KCNH7: variants seen among roughly 807,000 people sequenced by gnomAD.
The protein encoded by KCNH7 is voltage-gated inwardly rectifying potassium channel KCNH7.
In KCNH7, 49 loss-of-function variants were observed where a neutral mutation model predicts 120.8. That is an observed-to-expected ratio of 0.41 (90% confidence interval 0.32 to 0.51). KCNH7 has a LOEUF of 0.51. Ranked by LOEUF, KCNH7 falls within the 20% of genes least tolerant of loss-of-function variation. KCNH7 has a pLI of 0.38. For synonymous variants in KCNH7, 547 were observed against 516.1 expected, an observed-to-expected ratio of 1.06 and a Z score of -0.81; for missense variants, 1,097 against 1,446.6, an observed-to-expected ratio of 0.76 and a Z score of 3.92.
intron 2 of KCNH7, among the ~76,000 whole-genome samples, chr2:162,628,176 C>T (rs1236733751): frequency 6.6e-6 from 1 of 152,076 alleles, no homozygotes; most frequent in African/African-American, 2.4e-5. Flanking sequence ...TAGCATGGTA[C>T]TGGAGAAAGA....
At chr2:162,661,384 CA>C (rs1271474884) in intron 2 of KCNH7, among the ~76,000 whole-genome samples, 1 of 151,918 alleles carries the variant, frequency 6.6e-6, no homozygotes, top group Non-Finnish European at 1.5e-5. Flanking sequence ...AAAGATAAAA[CA>C]GATGTTAAAC....
chr2:162,414,744 TA>T (rs1397879082), intron 9 of KCNH7, among the ~76,000 whole-genome samples: 1 of 151,986 alleles, frequency 6.6e-6, no homozygotes, highest in Non-Finnish European at 1.5e-5. Context: ...AATTGAAGTA[TA>T]AAAAAATCTT....
At chr2:162,713,106 G>A (rs1424368747) in intron 2 of KCNH7, among the ~76,000 whole-genome samples, 4 of 152,126 alleles carry the variant, frequency 2.6e-5, no homozygotes, top group Admixed American at 6.6e-5. Flanking sequence ...TGCATTTTTA[G>A]TAGAGACGGG....
chr2:162,753,993 T>A (rs1168040318), intron 2 of KCNH7, among the ~76,000 whole-genome samples: 1 of 151,982 alleles, frequency 6.6e-6, no homozygotes, highest in Non-Finnish European at 1.5e-5. Flanking sequence ...CAATAATGTA[T>A]ATGAATTATG....
At chr2:162,379,265 A>G (rs1054885819) in intron 14 of KCNH7, among the ~76,000 whole-genome samples, 4 of 152,044 alleles carry the variant, frequency 2.6e-5, no homozygotes, top group Admixed American at 2.6e-4. Context: ...AATCTTTTTG[A>G]CCACTTTAAT....
chr2:162,643,509 T>G (rs775082459), intron 2 of KCNH7, among the ~76,000 whole-genome samples: 8 of 151,822 alleles, frequency 5.3e-5, no homozygotes, highest in Non-Finnish European at 1.2e-4. Context: ...TTTAATTGTT[T>G]AAAGAAAAAT....
chr2:162,538,432 G>A (rs527398047), intron 2 of KCNH7, among the ~76,000 whole-genome samples: 30 of 151,868 alleles, frequency 2.0e-4, no homozygotes, highest in African/African-American at 7.0e-4. Flanking sequence ...ATGCAGAGGC[G>A]GGGGGAGGTT....
chr2:162,395,115 C>T (rs1686871684), intron 11 of KCNH7, among the ~76,000 whole-genome samples: 2 of 151,696 alleles, frequency 1.3e-5, no homozygotes, highest in Admixed American at 6.6e-5. Context: ...AATATGTGTT[C>T]ATTGACTGAT....
Position 162,471,344 on chromosome 2 carries a change from C to T in KCNH7, c.1129-24901G>A, listed in dbSNP as rs183745709. Among the ~76,000 whole-genome samples, 136 of 151,800 alleles carry T rather than the reference C, an allele frequency of 9.0e-4. 2 individuals carry two copies. The highest frequency in any genetic ancestry group is 2.9e-3 in the African/African-American group (121 of 41,364). On this transcript the variant is annotated intron_variant, in intron 6 of 15. Transcript: ENST00000332142. ...TTTTAACAAGCATCTAAAATGAATC[C>T]GATGCACTTGGTCTCCTGTGTATAT...
At chr2:162,621,326 A>G (rs1459901400) in intron 2 of KCNH7, among the ~76,000 whole-genome samples, 1 of 132,172 alleles carries the variant, frequency 7.6e-6, no homozygotes. Context: ...ATTACTGAAG[A>G]CATGCCCCTG....
At chr2:162,381,108 T>A (rs553940964) in intron 13 of KCNH7, among the ~76,000 whole-genome samples, 1 of 152,108 alleles carries the variant, frequency 6.6e-6, no homozygotes, top group East Asian at 1.9e-4. Flanking sequence ...AGGAGAAACA[T>A]TTTTCTTCAC....
At chr2:162,757,883 C>T (rs915469279) in intron 2 of KCNH7, among the ~76,000 whole-genome samples, 91 of 152,194 alleles carry the variant, frequency 6.0e-4, no homozygotes, top group African/African-American at 2.1e-3. Flanking sequence ...CACAGCCATC[C>T]AATTCATATG....
intron 2 of KCNH7, among the ~76,000 whole-genome samples, chr2:162,647,589 A>G (rs1036101778): frequency 3.3e-5 from 5 of 152,176 alleles, no homozygotes; most frequent in Non-Finnish European, 7.3e-5. Flanking sequence ...TTCTCGTGGT[A>G]GTAAATAAGT....
At chr2:162,785,355 C>G (rs1181574416) in intron 2 of KCNH7, among the ~76,000 whole-genome samples, 1 of 152,176 alleles carries the variant, frequency 6.6e-6, no homozygotes, top group East Asian at 1.9e-4. Flanking sequence ...GATTGACAGT[C>G]TTAAATATAA....
intron 2 of KCNH7, among the ~76,000 whole-genome samples, chr2:162,683,614 A>T (rs1414130590): frequency 6.6e-6 from 1 of 151,892 alleles, no homozygotes; most frequent in Non-Finnish European, 1.5e-5. Context: ...CCTAAAATAG[A>T]AAGACCTTCC....
intron 7 of KCNH7, among the ~76,000 whole-genome samples, chr2:162,441,750 A>G (rs1688420872): frequency 6.6e-6 from 1 of 152,138 alleles, no homozygotes; most frequent in Non-Finnish European, 1.5e-5. Flanking sequence ...CCAATGACAC[A>G]GAAAAAATTT....
intron 2 of KCNH7, among the ~76,000 whole-genome samples, chr2:162,771,077 A>G (rs1056221257): frequency 6.6e-6 from 1 of 152,138 alleles, no homozygotes; most frequent in Non-Finnish European, 1.5e-5. Context: ...TCTGGTTGAG[A>G]TAATCATGAA....
rs191809768 is a variant in KCNH7, at chr2:162,777,942, C to T, written c.307+58595G>A. On this transcript the variant is annotated intron_variant, in intron 2 of 15. Coordinates refer to ENST00000332142, the MANE Select transcript of KCNH7 (RefSeq NM_033272.4). ...TATAATTTATAAGACTGGTTATTATCATTTGTTTTTTTAAAAAGGCTAACT... is the reference window on the plus strand; with the variant it reads ...TATAATTTATAAGACTGGTTATTATTATTTGTTTTTTTAAAAAGGCTAACT... Among the ~76,000 whole-genome samples the T allele has an allele frequency of 5.0e-3, 767 of 152,098 alleles. 8 individuals are homozygous for T. Among genetic ancestry groups the T allele is most frequent in the South Asian group, 0.022 (105 of 4,824 alleles).
At chr2:162,676,649 C>A (rs1378984288) in intron 2 of KCNH7, among the ~76,000 whole-genome samples, 2 of 151,416 alleles carry the variant, frequency 1.3e-5, no homozygotes, top group East Asian at 1.9e-4. Flanking sequence ...TCCTCTGGAA[C>A]TTTTGAGGCA....
Sources: allele counts gnomAD v4.1 joint callset (sites outside exome capture counted in the v4.1 genomes callset), GRCh38; gene constraint gnomAD v4.1.1; transcripts MANE v1.5; gene names NCBI Gene and HGNC (gene_info 2026-07-23, HGNC 2026-07-21).